The following DAB1 variants were observed in gnomAD, a reference collection of about 807,000 sequenced individuals.
The protein encoded by DAB1 is disabled homolog 1.
Under a neutral mutation model 64.6 loss-of-function variants are expected in DAB1, and 15 were observed. That is an observed-to-expected ratio of 0.23 (90% CI 0.16 to 0.36). The LOEUF (loss-of-function observed/expected upper bound fraction) is 0.36, where lower values mean the gene tolerates loss of function less well. Ranked by LOEUF, DAB1 falls within the 10% of genes least tolerant of loss-of-function variation. DAB1 has a pLI of 1.00. For synonymous variants in DAB1, 235 were observed against 251.9 expected (o/e 0.93, Z 0.64); for missense variants, 596 against 706.7 (o/e 0.84, Z 1.78).
chr1:58,056,369 T>C (rs771082950), intron 5 of DAB1: 2 of 1,587,454 alleles, frequency 1.3e-6, no homozygotes, highest in South Asian at 1.1e-5. Context: ...ATGACGAATG[T>C]CTTAATGGCC....
chr1:58,129,766 CT>C (rs1454150896), intron 5 of DAB1, among the ~76,000 whole-genome samples: 3 of 151,780 alleles, frequency 2.0e-5, no homozygotes, highest in Admixed American at 2.0e-4. Flanking sequence ...AGTTGAGCGG[CT>C]TTGAGTGAGA....
chr1:57,342,049 C>T (rs1677632399), intron 1 of DAB1, among the ~76,000 whole-genome samples: 1 of 152,180 alleles, frequency 6.6e-6, no homozygotes, highest in South Asian at 2.1e-4. Flanking sequence ...TATTATTATG[C>T]CAATGGAGGA....
intron 1 of DAB1, among the ~76,000 whole-genome samples, chr1:57,329,590 A>G (rs1676471864): frequency 6.7e-6 from 1 of 149,606 alleles, no homozygotes; most frequent in South Asian, 2.1e-4. Flanking sequence ...GTCTTGATTT[A>G]GCAAGGCTAT....
chr1:58,497,599 G>C (rs1037534588), intron 3 of DAB1, among the ~76,000 whole-genome samples: 12 of 142,092 alleles, frequency 8.4e-5, no homozygotes, highest in African/African-American at 3.3e-4. Flanking sequence ...AGACATAGGG[G>C]AAGTTCTGAA....
At chr1:57,198,540 C>T (rs776578782) in intron 2 of DAB1, among the ~76,000 whole-genome samples, 4 of 151,866 alleles carry the variant, frequency 2.6e-5, no homozygotes, top group Non-Finnish European at 5.9e-5. Context: ...ATCACCAAAC[C>T]TTTTCCCTTT....
At chr1:57,237,448 T>C (rs537907734) in intron 2 of DAB1, among the ~76,000 whole-genome samples, 19 of 152,348 alleles carry the variant, frequency 1.2e-4, no homozygotes, top group South Asian at 2.1e-4. Flanking sequence ...GTTTACTTCT[T>C]TTCAGTATCA....
chr1:57,829,766 C>A (rs1455974971), intron 1 of DAB1, among the ~76,000 whole-genome samples: 4 of 152,168 alleles, frequency 2.6e-5, no homozygotes, highest in Admixed American at 6.5e-5. Flanking sequence ...GAAGGTTCAG[C>A]AAGATTTCTT....
chr1:57,884,376 T>TG (rs556269473), upstream of DAB1, among the ~76,000 whole-genome samples: 9 of 152,306 alleles, frequency 5.9e-5, no homozygotes, highest in East Asian at 1.5e-3. Context: ...TGAGGGTCTC[T>TG]GTGCCTAGCA....
At chr1:57,976,663 A>G (rs574627940) in intron 5 of DAB1, among the ~76,000 whole-genome samples, 1 of 152,266 alleles carries the variant, frequency 6.6e-6, no homozygotes, top group Admixed American at 6.5e-5. Flanking sequence ...TGACACTTTT[A>G]GCTTTCTCTG....
chr1:57,817,542 G>A (rs546440018), intron 6 of DAB1, among the ~76,000 whole-genome samples: 44 of 152,286 alleles, frequency 2.9e-4, no homozygotes, highest in Non-Finnish European at 2.6e-4. Context: ...GGCTGCCAAC[G>A]TTGAACGAGC....
chr1:57,845,448 G>A (rs1159130628), intron 1 of DAB1, among the ~76,000 whole-genome samples: 1 of 152,138 alleles, frequency 6.6e-6, no homozygotes, highest in Non-Finnish European at 1.5e-5. Flanking sequence ...TAACTGTTGT[G>A]GTAGACAGCA....
At chr1:58,174,430 C>A (rs777292799) in intron 4 of DAB1, among the ~76,000 whole-genome samples, 8 of 152,168 alleles carry the variant, frequency 5.3e-5, no homozygotes, top group Non-Finnish European at 1.2e-4. Context: ...ATAACAACTT[C>A]TACCAAGGAC....
chr1:58,108,199 T>C (rs1436115331), intron 5 of DAB1, among the ~76,000 whole-genome samples: 1 of 152,182 alleles, frequency 6.6e-6, no homozygotes, highest in Admixed American at 6.5e-5. Flanking sequence ...TTCTCACTAC[T>C]CTTTTGAGAA....
intron 1 of DAB1, among the ~76,000 whole-genome samples, chr1:57,373,477 C>G (rs1008123760): frequency 1.2e-4 from 18 of 152,100 alleles, no homozygotes; most frequent in Non-Finnish European, 1.5e-5. Context: ...CTACCTGCCC[C>G]CTCAAAGGCA....
chr1:57,176,721 G>T (rs149766), intron 2 of DAB1, among the ~76,000 whole-genome samples: 7,885 of 152,066 alleles, frequency 0.052, 274 homozygotes, highest in Middle Eastern at 0.11. Context: ...AGTAAAATCT[G>T]GATCCTTCTG....
chr1:58,542,182 C>A (rs1307422288), intron 1 of DAB1, among the ~76,000 whole-genome samples: 1 of 152,134 alleles, frequency 6.6e-6, no homozygotes, highest in Non-Finnish European at 1.5e-5. Flanking sequence ...TGAAATACAA[C>A]CAATTTTAAA....
chr1:58,351,376 T>C (rs1429197561), intron 3 of DAB1, among the ~76,000 whole-genome samples: 1 of 152,140 alleles, frequency 6.6e-6, no homozygotes, highest in African/African-American at 2.4e-5. Context: ...TAGGCTCAAA[T>C]ATCTCATGTC....
chr1:57,240,960 A>G (rs540072091), intron 2 of DAB1, among the ~76,000 whole-genome samples: 8 of 152,318 alleles, frequency 5.3e-5, no homozygotes, highest in Admixed American at 3.3e-4. Context: ...GGATTTTTCT[A>G]GCTATGCATA....
At chr1:58,148,825 C>T (rs569913954) in intron 5 of DAB1, among the ~76,000 whole-genome samples, 10 of 152,186 alleles carry the variant, frequency 6.6e-5, no homozygotes, top group East Asian at 1.9e-4. Flanking sequence ...GTCCCTCCAA[C>T]GACACATGAG....
Sources: allele counts gnomAD v4.1 joint callset (sites outside exome capture counted in the v4.1 genomes callset), GRCh38; gene constraint gnomAD v4.1.1; transcripts MANE v1.5; gene names NCBI Gene and HGNC (gene_info 2026-07-23, HGNC 2026-07-21).